Variants in COL24A1 observed in about 807,000 individuals in gnomAD.
COL24A1 encodes collagen type XXIV alpha 1 chain.
COL24A1 carries 224 observed loss-of-function variants against 253.9 expected under a neutral mutation model. The ratio of observed to expected loss-of-function variants is 0.88; its 90% CI spans 0.79 to 0.99. COL24A1 has a LOEUF of 0.99. Ranked by LOEUF, COL24A1 falls within the 50% of genes least tolerant of loss-of-function variation. The probability of loss-of-function intolerance (pLI) is 0.00; values close to 1 mark genes in which losing one functional copy is unlikely to be tolerated. For synonymous variants in COL24A1, 685 were observed against 673.7 expected (o/e 1.02, Z -0.26); for missense variants, 2,131 against 2,068.5 (o/e 1.03, Z -0.59).
intron 24 of COL24A1, among the ~76,000 whole-genome samples, chr1:85,923,270 A>C (rs1346218425): frequency 1.3e-5 from 2 of 152,214 alleles, no homozygotes; most frequent in Non-Finnish European, 2.9e-5. Flanking sequence ...ACAAGACAGA[A>C]GGTTAAAAAG....
intron 24 of COL24A1, among the ~76,000 whole-genome samples, chr1:85,951,412 T>C (rs1400081396): frequency 6.6e-6 from 1 of 152,156 alleles, no homozygotes; most frequent in Non-Finnish European, 1.5e-5. Context: ...TGAAAGTTGA[T>C]GCTTGGTGGA....
rs1274040099 is a variant in COL24A1, at chr1:85,993,253, G to A, written c.2311-5599C>T. Among the ~76,000 whole-genome samples the A allele has an allele frequency of 2.0e-5, 3 of 152,082 alleles. No individual in the cohort carries two copies. The East Asian group carries it at 5.8e-4, about 29-fold the overall frequency. On this transcript the variant is annotated intron_variant, in intron 19 of 59. Coordinates refer to ENST00000370571, the MANE Select transcript of COL24A1 (RefSeq NM_152890.7). ...GCTACATACATTGAGCACTTTAATA[G>A]TTTTCCAATAGAAGTGTTAGAGTAT... is the stretch of plus-strand genomic sequence containing the variant.
At chr1:86,127,606 A>G (rs1443589678) in intron 2 of COL24A1, among the ~76,000 whole-genome samples, 1 of 152,074 alleles carries the variant, frequency 6.6e-6, no homozygotes, top group Non-Finnish European at 1.5e-5. Context: ...TGGGTTATAA[A>G]TTTCCCATCT....
intron 28 of COL24A1, 86 bp from the exon 29 acceptor site, chr1:85,896,495 T>A (rs1305072766): frequency 8.3e-7 from 1 of 1,205,740 alleles, no homozygotes; most frequent in Non-Finnish European, 1.2e-6. Context: ...GATGAACATG[T>A]TGATGATTTT....
intron 24 of COL24A1, among the ~76,000 whole-genome samples, chr1:85,913,559 A>T (rs1016166376): frequency 6.6e-6 from 1 of 152,182 alleles, no homozygotes; most frequent in Non-Finnish European, 1.5e-5. Flanking sequence ...CGATGATTCC[A>T]CTGAACTAGA....
At chr1:85,743,116 T>G (rs1030328351) in intron 57 of COL24A1, among the ~76,000 whole-genome samples, 30 of 152,296 alleles carry the variant, frequency 2.0e-4, no homozygotes, top group African/African-American at 7.0e-4. Flanking sequence ...ATGTCACTTC[T>G]TCGCTCAGCA....
rs1271504107 is a variant in COL24A1 at position 86,022,990 on chromosome 1, C to A, written c.2067G>T (p.Val689=). ...FPGLRGSVGP[V]GPIGPAGIPG... is the part of the protein sequence containing the mutation. ...GAATTCCAGCAGGTCCAATTGGTCC[C>A]ACAGGGCCAACACTGCCCTGGAAAA... Residue 689 remains valine, a synonymous_variant, in exon 15 of 60, where the codon GTG becomes GTT. Coordinates refer to ENST00000370571, the MANE Select transcript of COL24A1 (RefSeq NM_152890.7). 1.2e-6 allele frequency: 2 copies of A among 1,612,980 alleles called. No individual in the cohort carries two copies. The highest frequency in any genetic ancestry group is 2.2e-5 in the South Asian group (2 of 90,968).
intron 8 of COL24A1, among the ~76,000 whole-genome samples, chr1:86,062,447 A>G (rs1381949544): frequency 1.3e-5 from 2 of 152,088 alleles, no homozygotes; most frequent in Non-Finnish European, 1.5e-5. Context: ...ACTGACTACA[A>G]TATACATTTT....
intron 1 of COL24A1, chr1:86,154,573 A>C (rs1259455036): frequency 6.6e-6 from 1 of 152,568 alleles, no homozygotes; most frequent in Non-Finnish European, 1.5e-5. Flanking sequence ...CCTCCCCCCA[A>C]ATCATCTGGA....
Position 85,925,992 on chromosome 1 carries a change from C to T in COL24A1, c.2563-14559G>A, listed in dbSNP as rs1445110545. On this transcript the variant is annotated intron_variant, in intron 24 of 59. Transcript: ENST00000370571. ...AAATTTACAAGAAAAAAACAAACAA[C>T]CCCATCAACAAGTGGGCAAAGGATA... Among the ~76,000 whole-genome samples the T allele has an allele frequency of 2.0e-5, 3 of 152,132 alleles. 1 individual carries two copies. The highest frequency in any genetic ancestry group is 2.0e-4 in the Admixed American group (3 of 15,258).
intron 45 of COL24A1, 60 bp from the exon 46 acceptor site, chr1:85,818,147 T>G: frequency 7.2e-7 from 1 of 1,394,290 alleles, no homozygotes; most frequent in South Asian, 1.2e-5. Flanking sequence ...ACTGAAGCCA[T>G]AGAAAAGGAC....
chr1:85,777,239 C>A (rs970075934), intron 52 of COL24A1, among the ~76,000 whole-genome samples: 1 of 148,292 alleles, frequency 6.7e-6, no homozygotes, highest in Non-Finnish European at 1.5e-5. Flanking sequence ...TGAGTCACTG[C>A]GCCTGGACCC....
chr1:85,964,169 T>C (rs900876241), intron 23 of COL24A1, among the ~76,000 whole-genome samples: 1 of 152,148 alleles, frequency 6.6e-6, no homozygotes, highest in Non-Finnish European at 1.5e-5. Flanking sequence ...TGTGACTATG[T>C]CAATTCATAG....
chr1:85,827,586 T>C (rs1674552861), intron 43 of COL24A1, among the ~76,000 whole-genome samples: 1 of 152,074 alleles, frequency 6.6e-6, no homozygotes, highest in South Asian at 2.1e-4. Flanking sequence ...AGCTATTGAT[T>C]ATTGCCACAA....
chr1:85,763,551 G>GTGCGATCTCGGCTCAC (rs1667051894), intron 53 of COL24A1, among the ~76,000 whole-genome samples: 1 of 148,678 alleles, frequency 6.7e-6, no homozygotes, highest in East Asian at 2.0e-4. Context: ...GAGTGCAGTG[G>GTGCGATCTCGGCTCAC]TGCGATCTCG....
intron 38 of COL24A1, among the ~76,000 whole-genome samples, chr1:85,848,197 C>T (rs903254954): frequency 1.3e-5 from 2 of 152,212 alleles, no homozygotes; most frequent in African/African-American, 4.8e-5. Flanking sequence ...TCAGGATCAT[C>T]ACTCATTGGC....
chr1:85,782,492 A>G (rs1669239615), intron 51 of COL24A1, among the ~76,000 whole-genome samples: 1 of 122,618 alleles, frequency 8.2e-6, no homozygotes, highest in East Asian at 2.4e-4. Context: ...AATGTGGCAC[A>G]TATACACCAT....
rs1663348463 is a variant in COL24A1 at position 85,730,305 on chromosome 1, A to G, written c.*241T>C. ...TATTTATAAATTTTTAGTTCTAGGGAATTCTCTAAGAAAGCTGAGATGAAT... is the reference window on the plus strand; with the variant it reads ...TATTTATAAATTTTTAGTTCTAGGGGATTCTCTAAGAAAGCTGAGATGAAT... On this transcript the variant is annotated 3_prime_UTR_variant, in exon 60 of 60. Coordinates refer to ENST00000370571, the MANE Select transcript of COL24A1 (RefSeq NM_152890.7). The G allele has an allele frequency of 6.2e-6, 2 of 324,540 alleles. No individual in the cohort carries two copies. The highest frequency in any genetic ancestry group is 5.6e-6 in the Non-Finnish European group (1 of 177,684). The allele number at this position is 324,540 out of a possible 1,614,324, so 20.1% of individuals were successfully genotyped here. A position where few individuals can be genotyped will look rare whatever the true frequency, so the allele number is the denominator to read the frequency against.
chr1:86,111,067 C>A (rs1705536188), intron 5 of COL24A1, among the ~76,000 whole-genome samples: 1 of 152,236 alleles, frequency 6.6e-6, no homozygotes, highest in Non-Finnish European at 1.5e-5. Flanking sequence ...GTACATGCGC[C>A]AATCAGCACT....
Sources: allele counts gnomAD v4.1 joint callset (sites outside exome capture counted in the v4.1 genomes callset), GRCh38; gene constraint gnomAD v4.1.1; transcripts MANE v1.5; gene names NCBI Gene and HGNC (gene_info 2026-07-23, HGNC 2026-07-21).